The following XPNPEP3 variants were observed in gnomAD, a reference collection of about 807,000 sequenced individuals.
The protein encoded by XPNPEP3 is X-prolyl aminopeptidase 3.
XPNPEP3 carries 41 observed loss-of-function variants against 60.0 expected under a neutral mutation model. That is an observed-to-expected ratio of 0.68 (90% CI 0.53 to 0.89). The LOEUF (loss-of-function observed/expected upper bound fraction) is 0.89, where lower values mean the gene tolerates loss of function less well. XPNPEP3 is among the 40% of genes least tolerant of loss of function. The pLI, the probability that XPNPEP3 is intolerant of heterozygous loss-of-function variation, is 0.00. For missense variants in XPNPEP3, 598 were observed against 638.9 expected (o/e 0.94, Z 0.69); for synonymous variants, 212 against 223.2 (o/e 0.95, Z 0.45).
chr22:40,892,885 T>G (rs892547154), intron 4 of XPNPEP3, among the ~76,000 whole-genome samples: 1 of 152,032 alleles, frequency 6.6e-6, no homozygotes, highest in African/African-American at 2.4e-5. Context: ...CTCCACCTCC[T>G]TATGCCTATT....
intron 2 of XPNPEP3, among the ~76,000 whole-genome samples, chr22:40,873,294 G>C (rs1025601840): frequency 2.0e-5 from 3 of 150,452 alleles, no homozygotes; most frequent in Non-Finnish European, 4.4e-5. Context: ...TAGTAGAGAG[G>C]GGGTTTCACC....
At chr22:40,877,886 A>G (rs999933459) in intron 2 of XPNPEP3, among the ~76,000 whole-genome samples, 1 of 152,012 alleles carries the variant, frequency 6.6e-6, no homozygotes, top group Admixed American at 6.6e-5. Context: ...TTCCTCCTTC[A>G]CATGGAAAGG....
chr22:40,871,084 C>T (rs1227778694), intron 2 of XPNPEP3, among the ~76,000 whole-genome samples: 1 of 151,914 alleles, frequency 6.6e-6, no homozygotes, highest in Non-Finnish European at 1.5e-5. Flanking sequence ...TCTCTTAGGC[C>T]AGGTACAGTG....
intron 2 of XPNPEP3, among the ~76,000 whole-genome samples, chr22:40,880,028 CAAAAAA>C (rs963115248): frequency 1.9e-5 from 1 of 52,862 alleles, no homozygotes; most frequent in African/African-American, 7.3e-5. Context: ...CTCTGTCTCC[CAAAAAA>C]AAAAAAAAAA....
At chr22:40,915,510 A>T (rs1053113119) in intron 7 of XPNPEP3, among the ~76,000 whole-genome samples, 1 of 150,396 alleles carries the variant, frequency 6.6e-6, no homozygotes, top group Non-Finnish European at 1.5e-5. Context: ...CTAAGATTGG[A>T]CTCTGCACTC....
At position 40,927,874 on chromosome 22, in the gene XPNPEP3, CAAAAAAAAAAAA is replaced by C. The variant is rs573345765; in HGVS notation, c.*1446_*1457del. The C allele has an allele frequency of 2.5e-4, 14 of 55,560 alleles. 1 individual carries two copies. The South Asian group carries it at 3.2e-3, about 13-fold the overall frequency. The allele number at this position is 55,560 out of a possible 1,614,324, so 3.4% of individuals were successfully genotyped here. ...TGGGTGACAGAGCGAGACTCCGTCTCAAAAAAAAAAAAAAAAAAGAAAAAAAAAAGAAAGATT... is the reference window on the plus strand; with the variant it reads ...TGGGTGACAGAGCGAGACTCCGTCTCAAAAAAGAAAAAAAAAAGAAAGATT... On this transcript the variant is annotated 3_prime_UTR_variant, in exon 10 of 10. Transcript: ENST00000357137.
intron 7 of XPNPEP3, among the ~76,000 whole-genome samples, chr22:40,920,731 C>A (rs983699655): frequency 5.3e-5 from 8 of 152,184 alleles, no homozygotes; most frequent in Non-Finnish European, 1.2e-4. Context: ...CATAAATATT[C>A]ATTCCCACCC....
At chr22:40,912,003 G>T (rs546006109) in intron 6 of XPNPEP3, among the ~76,000 whole-genome samples, 4 of 152,268 alleles carry the variant, frequency 2.6e-5, no homozygotes, top group Middle Eastern at 3.4e-3. Flanking sequence ...TGAGATTCCA[G>T]CTGTCTTCTG....
At chr22:40,892,902 C>T (rs1157655398) in intron 4 of XPNPEP3, among the ~76,000 whole-genome samples, 1 of 151,764 alleles carries the variant, frequency 6.6e-6, no homozygotes. Flanking sequence ...TATTTACCCA[C>T]AATAACAATG....
rs564063268 is a variant in XPNPEP3 at position 40,925,099 on chromosome 22, C to T, written c.1357+617C>T. ...GGGCTGCTCAAGCTTCCAAAGCCCC[C>T]GGTGCTTGTGTGCAGAGAGACAGGC... On this transcript the variant is annotated intron_variant, in intron 9 of 9. Coordinates refer to ENST00000357137, the MANE Select transcript of XPNPEP3 (RefSeq NM_022098.4). 7.4e-4 allele frequency among the ~76,000 whole-genome samples: 113 copies of T among 152,232 alleles called. No homozygotes were observed. In the Middle Eastern group the frequency reaches 0.014, roughly 18 times the overall value.
chr22:40,883,156 C>T (rs1206662428), intron 3 of XPNPEP3, among the ~76,000 whole-genome samples: 2 of 152,184 alleles, frequency 1.3e-5, no homozygotes, highest in Non-Finnish European at 2.9e-5. Flanking sequence ...TCTTAGTGCT[C>T]TTGCCAGCTC....
chr22:40,862,028 G>A, intron 1 of XPNPEP3: 1 of 1,548,678 alleles, frequency 6.5e-7, no homozygotes, highest in Non-Finnish European at 8.7e-7. Flanking sequence ...GGTGTGCTGG[G>A]TATTGAGAAC....
intron 1 of XPNPEP3, chr22:40,861,870 GCTT>G (rs747993352): frequency 1.0e-4 from 161 of 1,613,534 alleles, no homozygotes; most frequent in Middle Eastern, 6.6e-4. Context: ...TTTTCTCTCT[GCTT>G]CTTCTTTATT....
Position 40,928,530 on chromosome 22 carries a change from C to T in XPNPEP3, c.*2095C>T, listed in dbSNP as rs966066316. 1 of 152,036 alleles carries T rather than the reference C, an allele frequency of 6.6e-6. No homozygotes were observed. The highest frequency in any genetic ancestry group is 1.5e-5 in the Non-Finnish European group (1 of 68,004). 9.4% of individuals were successfully genotyped at this position (152,036 alleles called of 1,614,324 possible). A position where few individuals can be genotyped will look rare whatever the true frequency, so the allele number is the denominator to read the frequency against. ...TGTAAGAGTCATATTTTTTTAAACACAAACATTGGATACAATTATACAGCA... is the reference window on the plus strand; with the variant it reads ...TGTAAGAGTCATATTTTTTTAAACATAAACATTGGATACAATTATACAGCA... On this transcript the variant is annotated 3_prime_UTR_variant, in exon 10 of 10. Coordinates refer to ENST00000357137, the MANE Select transcript of XPNPEP3 (RefSeq NM_022098.4).
Position 40,904,232 on chromosome 22 carries a change from A to G in XPNPEP3, c.793-3355A>G, listed in dbSNP as rs117361469. On this transcript the variant is annotated intron_variant, in intron 4 of 9. Coordinates refer to ENST00000357137, the MANE Select transcript of XPNPEP3 (RefSeq NM_022098.4). Reference sequence around the variant, plus strand: ...AGGATAGGTAGCATTTGAACTGCATATCATGTGTACCTGGAATGCTCTGTA... The same window carrying G: ...AGGATAGGTAGCATTTGAACTGCATGTCATGTGTACCTGGAATGCTCTGTA... Among the ~76,000 whole-genome samples the G allele has an allele frequency of 5.4e-3, 826 of 152,310 alleles. 7 individuals are homozygous for G. Among genetic ancestry groups the G allele is most frequent in the Non-Finnish European group, 7.8e-3 (531 of 68,032 alleles).
intron 2 of XPNPEP3, among the ~76,000 whole-genome samples, chr22:40,873,098 C>CTTTTTTTTTTTTT (rs138353): frequency 1.8e-3 from 158 of 88,516 alleles, no homozygotes; most frequent in Non-Finnish European, 2.0e-3. Context: ...TTTTCTTTTT[C>CTTTTTTTTTTTTT]TTTTTTTTTT....
rs1159268277 is a variant in XPNPEP3, at chr22:40,931,367, T to C, written c.*4932T>C. 6.6e-6 allele frequency: 1 copy of C among 152,188 alleles called. No individual in the cohort carries two copies. The highest frequency in any genetic ancestry group is 1.9e-4 in the East Asian group (1 of 5,198). The allele number at this position is 152,188 out of a possible 1,614,324, so 9.4% of individuals were successfully genotyped here. On this transcript the variant is annotated 3_prime_UTR_variant, in exon 10 of 10. Transcript: ENST00000357137. The stretch of plus-strand genomic sequence containing the variant: ...ATTTATTTCAGGAATTACTATTTTG[T>C]CACCATAATTAGGAAACAGACTGTG...
rs2058257882 is a variant in XPNPEP3 at position 40,932,388 on chromosome 22, CAA to C, written c.*5954_*5955del. On this transcript the variant is annotated 3_prime_UTR_variant, in exon 10 of 10. Coordinates refer to ENST00000357137, the MANE Select transcript of XPNPEP3 (RefSeq NM_022098.4). ...CTGAAGTAGAATCCATAGCTCAAAA[CAA>C]GTTTTAAGCCTGAGAAAATATAATT... 1 of 151,176 alleles carries C rather than the reference CAA, an allele frequency of 6.6e-6. No individual in the cohort carries two copies. The highest frequency in any genetic ancestry group is 2.1e-4 in the South Asian group (1 of 4,804). 9.4% of individuals were successfully genotyped at this position (151,176 alleles called of 1,614,324 possible).
At chr22:40,890,766 C>A (rs1465413247) in intron 4 of XPNPEP3, among the ~76,000 whole-genome samples, 1 of 151,818 alleles carries the variant, frequency 6.6e-6, no homozygotes, top group Non-Finnish European at 1.5e-5. Flanking sequence ...ACTCAGGAGG[C>A]CAAAATGGGA....
Sources: allele counts gnomAD v4.1 joint callset (sites outside exome capture counted in the v4.1 genomes callset), GRCh38; gene constraint gnomAD v4.1.1; transcripts MANE v1.5; gene names NCBI Gene and HGNC (gene_info 2026-07-23, HGNC 2026-07-21).